Variants in TECPR2 observed in about 807,000 individuals in gnomAD.
TECPR2 encodes the protein tectonin beta-propeller repeat-containing protein 2.
Under a neutral mutation model 138.1 loss-of-function variants are expected in TECPR2, and 65 were observed. That is an observed-to-expected ratio of 0.47 (90% CI 0.39 to 0.58). The LOEUF is 0.58. Ranked by LOEUF, TECPR2 falls within the 20% of genes least tolerant of loss-of-function variation. TECPR2 has a pLI of 0.00. For missense variants in TECPR2, 1,553 were observed against 1,824.5 expected (o/e 0.85, Z 2.71); for synonymous variants, 746 against 749.8 (o/e 0.99, Z 0.08).
chr14:102,391,272 CTGG>C (rs1263419364), intron 2 of TECPR2, among the ~76,000 whole-genome samples: 2 of 152,168 alleles, frequency 1.3e-5, no homozygotes, highest in African/African-American at 4.8e-5. Context: ...GTTGGCGAGG[CTGG>C]TCTCGAACTC....
At chr14:102,367,994 CTTTTTTTTTT>C (rs56325877) in intron 1 of TECPR2, among the ~76,000 whole-genome samples, 682 of 65,824 alleles carry the variant, frequency 0.01, 7 homozygotes, top group African/African-American at 0.046. Flanking sequence ...GCTTATTGGC[CTTTTTTTTTT>C]TTTTTTTTTT....
rs1889385087 is a variant in TECPR2 at position 102,428,358 on chromosome 14, A to G, written c.1060A>G (p.Arg354Gly). The G allele has an allele frequency of 1.2e-6, 2 of 1,607,886 alleles. No individual in the cohort carries two copies. The highest frequency in any genetic ancestry group is 1.7e-6 in the Non-Finnish European group (2 of 1,178,416). ...TAGGAACATTATAAGAATTTCAAGC[A>G]GGCCTGAAGGATTAACATCAACAGG... ...GDRNIIRISSRPEGLTSTVRD... is the reference protein window; with the variant it reads ...GDRNIIRISSGPEGLTSTVRD... The change falls in exon 7 of 20, where the codon AGG becomes GGG. Residue 354 changes from arginine (R) to glycine (G), a missense_variant. By Grantham distance (125) the Arg-to-Gly change is moderately radical. Coordinates refer to ENST00000359520, the MANE Select transcript of TECPR2 (RefSeq NM_014844.5).
At chr14:102,463,416 C>CAAAAAAAAAAAAAAA (rs550694466) in intron 16 of TECPR2, among the ~76,000 whole-genome samples, 2 of 38,516 alleles carry the variant, frequency 5.2e-5, no homozygotes, top group African/African-American at 8.3e-5. Flanking sequence ...GACTCCGTCT[C>CAAAAAAAAAAAAAAA]AAAAAAAAAA....
chr14:102,414,776 A>G lies in TECPR2; in HGVS notation c.621A>G (p.Gly207=). Residue 207 remains glycine (G), a synonymous_variant, in exon 5 of 20, where the codon GGA becomes GGG. Coordinates refer to ENST00000359520, the MANE Select transcript of TECPR2 (RefSeq NM_014844.5). ...YTEEKSVRQI[G]TQPRKSTGKF... is the part of the protein sequence containing the mutation. ...AAGAAAAGTCTGTAAGGCAAATTGG[A>G]ACACAACCAAGGAAAAGGTAAGTTT... 6.2e-7 allele frequency: 1 copy of G among 1,614,202 alleles called. No individual in the cohort carries two copies. Among genetic ancestry groups the G allele is most frequent in the Non-Finnish European group, 8.5e-7 (1 of 1,180,032 alleles).
At chr14:102,451,249 C>T (rs1890134436) in intron 15 of TECPR2, among the ~76,000 whole-genome samples, 1 of 152,114 alleles carries the variant, frequency 6.6e-6, no homozygotes, top group Non-Finnish European at 1.5e-5. Context: ...GCTGGGAGCC[C>T]CGGCAGTCAG....
At position 102,498,867 on chromosome 14, in the gene TECPR2, A is replaced by C; in HGVS notation, c.*610A>C. 1 of 658,274 alleles carries C rather than the reference A, an allele frequency of 1.5e-6. No individual in the cohort carries two copies. The highest frequency in any genetic ancestry group is 2.8e-6 in the Non-Finnish European group (1 of 355,786). 40.8% of individuals were successfully genotyped at this position (658,274 alleles called of 1,614,324 possible). On this transcript the variant is annotated 3_prime_UTR_variant, in exon 20 of 20. Coordinates refer to ENST00000359520, the MANE Select transcript of TECPR2 (RefSeq NM_014844.5). ...AACCCACGCACATGCACACCACAACACACAACACACCTCACCTCACACCAC... is the reference window on the plus strand; with the variant it reads ...AACCCACGCACATGCACACCACAACCCACAACACACCTCACCTCACACCAC...
intron 8 of TECPR2, among the ~76,000 whole-genome samples, chr14:102,432,805 A>G (rs377287422): frequency 1.2e-4 from 18 of 152,026 alleles, no homozygotes; most frequent in East Asian, 9.7e-4. Flanking sequence ...AGAGATTGAG[A>G]CCATCCTGGC....
chr14:102,365,759 C>G (rs1421489944), intron 1 of TECPR2, among the ~76,000 whole-genome samples: 1 of 152,032 alleles, frequency 6.6e-6, no homozygotes, highest in Non-Finnish European at 1.5e-5. Flanking sequence ...AGGGAGTGCA[C>G]AGTGTGTGGA....
In TECPR2 at chr14:102,498,839, G is replaced by A; in HGVS notation, c.*582G>A. ...GAGGAGAGCGCTGGCCATGCCAGGA[G>A]AGAACCCACGCACATGCACACCACA... On this transcript the variant is annotated 3_prime_UTR_variant, in exon 20 of 20. Coordinates refer to ENST00000359520, the MANE Select transcript of TECPR2 (RefSeq NM_014844.5). The A allele has an allele frequency of 1.6e-6, 1 of 622,188 alleles. No individual in the cohort carries two copies. Among genetic ancestry groups the A allele is most frequent in the East Asian group, 3.2e-5 (1 of 31,008 alleles). The allele number at this position is 622,188 out of a possible 1,614,324, so 38.5% of individuals were successfully genotyped here.
At chr14:102,401,439 C>CAAAAAAAAAA (rs35011003) in intron 2 of TECPR2, among the ~76,000 whole-genome samples, 2 of 57,082 alleles carry the variant, frequency 3.5e-5, no homozygotes, top group East Asian at 5.4e-4. Context: ...AACTCCATCT[C>CAAAAAAAAAA]AAAAAAAAAA....
chr14:102,410,091 G>T lies in TECPR2; in HGVS notation c.480+1472G>T, dbSNP rs148437167. 8.6e-4 allele frequency among the ~76,000 whole-genome samples: 131 copies of T among 152,350 alleles called. 1 individual carries two copies. Among genetic ancestry groups the T allele is most frequent in the African/African-American group, 3.1e-3 (127 of 41,588 alleles). ...CCCAAAGTGCTGGGATTACAGGCGT[G>T]AGCCACTGCGCCTGGCTGAAATTTA... is the stretch of plus-strand genomic sequence containing the variant. On this transcript the variant is annotated intron_variant, in intron 4 of 19. Transcript: ENST00000359520.
In TECPR2 at chr14:102,414,679, T is replaced by C; in HGVS notation, c.524T>C (p.Ile175Thr). 2 of 1,614,212 alleles carry C rather than the reference T, an allele frequency of 1.2e-6. No homozygotes were observed. The highest frequency in any genetic ancestry group is 2.2e-5 in the East Asian group (1 of 44,890). The change falls in exon 5 of 20, where the codon ATT becomes ACT. Residue 175 changes from isoleucine to threonine, a missense_variant. By Grantham distance (89) the Ile-to-Thr change is moderately conservative. Coordinates refer to ENST00000359520, the MANE Select transcript of TECPR2 (RefSeq NM_014844.5). Reference sequence around the variant, plus strand: ...CTGGTGTTGGAGGAGCCATCTTCCATTGTGCAGCTGGATTATAGCCAGAAA... The same window carrying C: ...CTGGTGTTGGAGGAGCCATCTTCCACTGTGCAGCTGGATTATAGCCAGAAA... ...SQLVLEEPSSIVQLDYSQKVL... is the reference protein window; with the variant it reads ...SQLVLEEPSSTVQLDYSQKVL...
intron 1 of TECPR2, among the ~76,000 whole-genome samples, chr14:102,369,494 T>G (rs1211966609): frequency 1.3e-5 from 2 of 152,110 alleles, no homozygotes; most frequent in African/African-American, 4.8e-5. Context: ...GCTCAATGGA[T>G]CCTCCAGGTT....
At chr14:102,414,987 G>T (rs1434543814) in intron 5 of TECPR2, among the ~76,000 whole-genome samples, 194 bp downstream of exon 5, 1 of 152,120 alleles carries the variant, frequency 6.6e-6, no homozygotes, top group South Asian at 2.1e-4. Context: ...AGAAGAGTGT[G>T]TTCTTCTTGT....
intron 2 of TECPR2, among the ~76,000 whole-genome samples, chr14:102,383,344 A>G (rs895179429): frequency 6.6e-5 from 10 of 152,162 alleles, no homozygotes; most frequent in African/African-American, 2.4e-4. Context: ...TTGCAGTTAC[A>G]ACCCAGTTTT....
At chr14:102,483,433 GGTTTTGTTTT>G (rs939129086) in intron 17 of TECPR2, among the ~76,000 whole-genome samples, 1 of 135,340 alleles carries the variant, frequency 7.4e-6, no homozygotes, top group Non-Finnish European at 1.5e-5. Context: ...GTTGTTGTGG[GGTTTTGTTTT>G]GTTTTGTTTT....
At chr14:102,477,709 C>T (rs1427960254) in intron 17 of TECPR2, among the ~76,000 whole-genome samples, 1 of 133,232 alleles carries the variant, frequency 7.5e-6, no homozygotes, top group East Asian at 2.7e-4. Flanking sequence ...CGCCACCATG[C>T]CCGGCAAATT....
intron 2 of TECPR2, among the ~76,000 whole-genome samples, chr14:102,384,498 G>A (rs1011211718): frequency 2.0e-5 from 3 of 151,538 alleles, no homozygotes; most frequent in Admixed American, 1.3e-4. Flanking sequence ...ACAACATGGT[G>A]AAACCCCATC....
chr14:102,409,488 G>A (rs1274721227), intron 4 of TECPR2, among the ~76,000 whole-genome samples: 2 of 151,934 alleles, frequency 1.3e-5, no homozygotes, highest in African/African-American at 2.4e-5. Context: ...TTGTAGAGAC[G>A]GAGTTTTACC....
Sources: gnomAD v4.1 joint callset for allele counts (sites outside exome capture counted in the v4.1 genomes callset) on GRCh38, gnomAD v4.1.1 for gene constraint, MANE v1.5 for transcripts, NCBI Gene and HGNC (gene_info 2026-07-23, HGNC 2026-07-21) for gene names.